ZNF264: variants seen among roughly 807,000 people sequenced by gnomAD.
ZNF264 encodes zinc finger protein 264.
A neutral mutation model predicts 11.2 loss-of-function variants in ZNF264; 11 were observed. The ratio of observed to expected loss-of-function variants is 0.98; its 90% CI spans 0.62 to 1.63. ZNF264 has a LOEUF of 1.63. Ranked by LOEUF, ZNF264 falls within the 40% of genes most tolerant of loss-of-function variation. The pLI is 0.00. For missense variants in ZNF264, 752 were observed against 768.1 expected, an observed-to-expected ratio of 0.98 and a Z score of 0.25; for synonymous variants, 309 against 279.8, an observed-to-expected ratio of 1.10 and a Z score of -1.04.
At chr19:57,193,008 T>C (rs112098951) in intron 1 of ZNF264, among the ~76,000 whole-genome samples, 7,415 of 152,132 alleles carry the variant, frequency 0.049, 610 homozygotes, top group African/African-American at 0.17. Context: ...TGGGATTACA[T>C]GCATGAGCCA....
intron 3 of ZNF264, 57 bp from the exon 4 acceptor site, chr19:57,211,297 C>CT (rs1168454268): frequency 3.0e-5 from 44 of 1,447,500 alleles, no homozygotes; most frequent in Non-Finnish European, 3.9e-5. Context: ...TGGTAATATT[C>CT]TTTTTTCCAT....
chr19:57,201,662 T>C (rs2087254504), intron 2 of ZNF264, among the ~76,000 whole-genome samples: 1 of 151,946 alleles, frequency 6.6e-6, no homozygotes, highest in South Asian at 2.1e-4. Context: ...GCTGGGGAAT[T>C]ACTGCCCTTG....
chr19:57,197,928 C>T (rs2087223974), intron 2 of ZNF264, among the ~76,000 whole-genome samples: 1 of 151,976 alleles, frequency 6.6e-6, no homozygotes, highest in African/African-American at 2.4e-5. Flanking sequence ...CTACTTCTTG[C>T]TACTGGATCC....
At chr19:57,206,441 G>A (rs966456716) in intron 3 of ZNF264, among the ~76,000 whole-genome samples, 3 of 151,274 alleles carry the variant, frequency 2.0e-5, no homozygotes, top group African/African-American at 4.9e-5. Context: ...TAGTAGAGAC[G>A]GGGTTTCACC....
At chr19:57,201,427 G>A (rs113731389) in intron 2 of ZNF264, among the ~76,000 whole-genome samples, 3 of 152,048 alleles carry the variant, frequency 2.0e-5, no homozygotes, top group African/African-American at 7.3e-5. Context: ...TACAGGATGG[G>A]AAGAGAGAAT....
chr19:57,199,790 A>G (rs1233755476), intron 2 of ZNF264, among the ~76,000 whole-genome samples: 3 of 151,832 alleles, frequency 2.0e-5, no homozygotes, highest in Non-Finnish European at 4.4e-5. Context: ...AGAAGCAAAC[A>G]AAGGTGTTGA....
At chr19:57,206,030 G>A (rs896480495) in intron 3 of ZNF264, among the ~76,000 whole-genome samples, 1 of 152,064 alleles carries the variant, frequency 6.6e-6, no homozygotes, top group South Asian at 2.1e-4. Context: ...TAACGTCCTC[G>A]AGCTGGCAGA....
At position 57,216,245 on chromosome 19, in the gene ZNF264, G is replaced by C. The variant is rs2087379465; in HGVS notation, c.*3264G>C. ...CGTGTGCCTGTAATCCCAGCTGCTG[G>C]GGGGCTGAGGCAGGAGGATCAGTTG... On this transcript the variant is annotated 3_prime_UTR_variant, in exon 4 of 4. Coordinates refer to ENST00000263095, the MANE Select transcript of ZNF264 (RefSeq NM_003417.5). 6.6e-6 allele frequency: 1 copy of C among 152,292 alleles called. No homozygotes were observed. The highest frequency in any genetic ancestry group is 6.5e-5 in the Admixed American group (1 of 15,286). 9.4% of individuals were successfully genotyped at this position (152,292 alleles called of 1,614,324 possible).
chr19:57,196,452 A>G (rs2087212234), intron 2 of ZNF264, among the ~76,000 whole-genome samples: 1 of 151,820 alleles, frequency 6.6e-6, no homozygotes, highest in Admixed American at 6.6e-5. Context: ...ACCCCGAGGG[A>G]TGGTTCCATA....
rs1451401631 is a variant in ZNF264 at position 57,213,218 on chromosome 19, T to C, written c.*237T>C. Reference sequence around the variant, plus strand: ...AGAAAAAATGAAATGCAAGCACACATCTTTTCAGGCTTCTCTGCCAAGCCT... The same window carrying C: ...AGAAAAAATGAAATGCAAGCACACACCTTTTCAGGCTTCTCTGCCAAGCCT... On this transcript the variant is annotated 3_prime_UTR_variant, in exon 4 of 4. Coordinates refer to ENST00000263095, the MANE Select transcript of ZNF264 (RefSeq NM_003417.5). 8 of 398,760 alleles carry C rather than the reference T, an allele frequency of 2.0e-5. No individual in the cohort carries two copies. Among genetic ancestry groups the C allele is most frequent in the East Asian group, 3.8e-5 (1 of 26,004 alleles). The allele number at this position is 398,760 out of a possible 1,614,324, so 24.7% of individuals were successfully genotyped here.
intron 2 of ZNF264, among the ~76,000 whole-genome samples, chr19:57,195,515 G>C (rs1383591101): frequency 6.6e-6 from 1 of 152,144 alleles, no homozygotes; most frequent in African/African-American, 2.4e-5. Flanking sequence ...TTTTCCTGGT[G>C]GAGTGACCCA....
rs1044253589 is a variant in ZNF264 at position 57,197,963 on chromosome 19, A to G, written c.160+3962A>G. On this transcript the variant is annotated intron_variant, in intron 2 of 3. Transcript: ENST00000263095. Reference sequence around the variant, plus strand: ...CAGTCGGCATAATGTCATAAATGTAATGGACCAATGTGATATCTTGTGGAA... The same window carrying G: ...CAGTCGGCATAATGTCATAAATGTAGTGGACCAATGTGATATCTTGTGGAA... Among the ~76,000 whole-genome samples the G allele has an allele frequency of 2.0e-5, 3 of 151,998 alleles. No homozygotes were observed. In the East Asian group the frequency reaches 5.8e-4, roughly 29 times the overall value.
chr19:57,191,910 C>T lies in ZNF264; in HGVS notation c.-4C>T. On this transcript the variant is annotated 5_prime_UTR_variant, in exon 1 of 4. It adds an upstream start codon to the 5' untranslated region. Coordinates refer to ENST00000263095, the MANE Select transcript of ZNF264 (RefSeq NM_003417.5). ...CCCAGCTCTGCGGCCCAGGGGGTGA[C>T]GTGATGGCGGCAGCGGTGCTGACGG... 7 of 1,506,876 alleles carry T rather than the reference C, an allele frequency of 4.6e-6. No homozygotes were observed. The highest frequency in any genetic ancestry group is 6.2e-6 in the Non-Finnish European group (7 of 1,125,800). 93.3% of individuals were successfully genotyped at this position (1,506,876 alleles called of 1,614,324 possible).
At position 57,211,726 on chromosome 19, in the gene ZNF264, A is replaced by G; in HGVS notation, c.629A>G (p.Lys210Arg). ...AACTTTAAATGCAGTGAATGTGGAA[A>G]AGTATTTAACAAGAAACACCTCCTT... ...ENNFKCSECG[K>R]VFNKKHLLAG... is the part of the protein sequence containing the mutation. The change falls in exon 4 of 4, where the codon AAA becomes AGA. Residue 210 changes from lysine (K) to arginine (R), a missense_variant. Physicochemically the swap from Lys to Arg is conservative, Grantham distance 26 (BLOSUM62 2). Coordinates refer to ENST00000263095, the MANE Select transcript of ZNF264 (RefSeq NM_003417.5). 1 of 1,614,188 alleles carries G rather than the reference A, an allele frequency of 6.2e-7. No individual in the cohort carries two copies. The highest frequency in any genetic ancestry group is 8.5e-7 in the Non-Finnish European group (1 of 1,180,022).
chr19:57,212,881 T>C lies in ZNF264; in HGVS notation c.1784T>C (p.Leu595Ser). The C allele has an allele frequency of 1.2e-6, 2 of 1,614,234 alleles. No individual in the cohort carries two copies. Among genetic ancestry groups the C allele is most frequent in the Non-Finnish European group, 1.7e-6 (2 of 1,180,044 alleles). Reference protein sequence around the residue: ...LRELLLGKDFLNVTTEANILP... With the variant: ...LRELLLGKDFSNVTTEANILP... ...GAACTTCTTTTAGGGAAGGACTTTT[T>C]GAATGTAACCACTGAGGCAAATATT... The change falls in exon 4 of 4, where the codon TTG becomes TCG. Residue 595 changes from leucine to serine, a missense_variant. Leu to Ser is a moderately radical substitution (Grantham distance 145, BLOSUM62 -2). Coordinates refer to ENST00000263095, the MANE Select transcript of ZNF264 (RefSeq NM_003417.5).
rs141648371 is a variant in ZNF264 at position 57,212,713 on chromosome 19, A to G, written c.1616A>G (p.Tyr539Cys). The G allele has an allele frequency of 3.6e-4, 576 of 1,614,044 alleles. No individual in the cohort carries two copies. Among genetic ancestry groups the G allele is most frequent in the Non-Finnish European group, 4.6e-4 (545 of 1,180,036 alleles). The change falls in exon 4 of 4, where the codon TAT (tyrosine) becomes TGT (cysteine). Residue 539 changes from tyrosine to cysteine, a missense_variant. By Grantham distance (194) the Tyr-to-Cys change is radical. Transcript: ENST00000263095. Reference protein sequence around the residue: ...HAIIHTGEKPYKCSECGKAFS... With the variant: ...HAIIHTGEKPCKCSECGKAFS... ...ATTATCCACACTGGAGAGAAGCCCT[A>G]TAAATGTAGTGAATGTGGAAAGGCC...
At position 57,208,388 on chromosome 19, in the gene ZNF264, A is replaced by T. The variant is rs1184853635; in HGVS notation, c.256+2896A>T. Among the ~76,000 whole-genome samples, 3 of 151,744 alleles carry T rather than the reference A, an allele frequency of 2.0e-5. No homozygotes were observed. The East Asian group carries it at 5.9e-4, about 30-fold the overall frequency. Reference sequence around the variant, plus strand: ...GGTGAGACCCCGTCTCTGCAAAATTAAAAAAATTAGCTGGGCATGGTGGCT... The same window carrying T: ...GGTGAGACCCCGTCTCTGCAAAATTTAAAAAATTAGCTGGGCATGGTGGCT... On this transcript the variant is annotated intron_variant, in intron 3 of 3. Transcript: ENST00000263095.
At chr19:57,193,510 G>A (rs952453281) in intron 1 of ZNF264, 4 of 985,390 alleles carry the variant, frequency 4.1e-6, no homozygotes, top group Non-Finnish European at 4.8e-6. Context: ...TCAACATGGG[G>A]CAGGCACCTA....
At chr19:57,206,714 T>C (rs2087295781) in intron 3 of ZNF264, among the ~76,000 whole-genome samples, 1 of 151,846 alleles carries the variant, frequency 6.6e-6, no homozygotes, top group Non-Finnish European at 1.5e-5. Context: ...CCTTTCTTAC[T>C]CTCCCAATTT....
Sources: gnomAD v4.1 joint callset for allele counts (sites outside exome capture counted in the v4.1 genomes callset) on GRCh38, gnomAD v4.1.1 for gene constraint, MANE v1.5 for transcripts, NCBI Gene and HGNC (gene_info 2026-07-23, HGNC 2026-07-21) for gene names.